The following RNF213 variants were observed in gnomAD, a reference collection of about 807,000 sequenced individuals.
RNF213 encodes the protein ring finger protein 213, also known as E3 ubiquitin-protein ligase RNF213.
A neutral mutation model predicts 514.4 loss-of-function variants in RNF213; 341 were observed. The observed-to-expected ratio is 0.66, with a 90% CI of 0.61 to 0.73. The LOEUF (loss-of-function observed/expected upper bound fraction) is 0.73, where lower values mean the gene tolerates loss of function less well. RNF213 is among the 30% of genes least tolerant of loss of function. The probability of loss-of-function intolerance (pLI) is 0.00; values close to 1 mark genes in which losing one functional copy is unlikely to be tolerated. For missense variants in RNF213, 5,767 were observed against 6,615.6 expected (o/e 0.87, Z 4.45); for synonymous variants, 2,655 against 2,658.2 (o/e 1.00, Z 0.04).
rs1420381348 is a variant in RNF213, at chr17:80,288,351, C to T, written c.798C>T (p.Ala266=). Reference sequence around the variant, plus strand: ...AGACCACCGAGCAACAGGCAGGGGCCTCAGCCTCTATGGTGAGTCATCCGG... The same window carrying T: ...AGACCACCGAGCAACAGGCAGGGGCTTCAGCCTCTATGGTGAGTCATCCGG... The part of the protein sequence containing the change: ...ELQTTEQQAG[A]SASMAVDAVA... Residue 266 remains alanine, a synonymous_variant, in exon 4 of 68, where the codon GCC becomes GCT. Transcript: ENST00000582970. This position sits in a 1 kb window ranked among gnomAD's most constrained non-coding sequence, Gnocchi z 4.9. The T allele has an allele frequency of 6.2e-7, 1 of 1,612,330 alleles. No homozygotes were observed. The highest frequency in any genetic ancestry group is 1.3e-5 in the African/African-American group (1 of 74,926).
intron 17 of RNF213, among the ~76,000 whole-genome samples, chr17:80,321,998 A>ACAGGCGTGAG (rs2046153327): frequency 6.6e-6 from 1 of 152,148 alleles, no homozygotes; most frequent in Non-Finnish European, 1.5e-5. Context: ...TGCTGGGATT[A>ACAGGCGTGAG]CAGGCGTGAG....
At position 80,288,977 on chromosome 17, in the gene RNF213, G is replaced by A. The variant is rs1026986452; in HGVS notation, c.933+222G>A. Among the ~76,000 whole-genome samples, 3 of 152,182 alleles carry A rather than the reference G, an allele frequency of 2.0e-5. No individual in the cohort carries two copies. Among genetic ancestry groups the A allele is most frequent in the African/African-American group, 7.2e-5 (3 of 41,450 alleles). Reference sequence around the variant, plus strand: ...AGGGAGGGAGAGAGGGCACCCAGGTGGGCCCCGAGGTACCATGGCACCCAC... The same window carrying A: ...AGGGAGGGAGAGAGGGCACCCAGGTAGGCCCCGAGGTACCATGGCACCCAC... On this transcript the variant is annotated intron_variant, in intron 5 of 67. Transcript: ENST00000582970. The surrounding 1 kb of genome is among the most constrained non-coding windows in gnomAD (Gnocchi z 4.9).
At chr17:80,350,058 A>G in intron 30 of RNF213, 152 bp downstream of exon 30, 3 of 936,518 alleles carry the variant, frequency 3.2e-6, no homozygotes, top group Admixed American at 2.0e-5. Context: ...CATCCCTCTC[A>G]TCTCCATCAT....
Position 80,377,633 on chromosome 17 carries a change from G to A in RNF213, c.13511-129G>A, listed in dbSNP as rs371638730. 1.5e-4 allele frequency: 143 copies of A among 961,758 alleles called. 1 individual carries two copies. Among genetic ancestry groups the A allele is most frequent in the African/African-American group, 1.1e-3 (67 of 62,456 alleles). 59.6% of individuals were successfully genotyped at this position (961,758 alleles called of 1,614,324 possible). A position where few individuals can be genotyped will look rare whatever the true frequency, so the allele number is the denominator to read the frequency against. On this transcript the variant is annotated intron_variant, in intron 53 of 67. Coordinates refer to ENST00000582970, the MANE Select transcript of RNF213 (RefSeq NM_001256071.3). The surrounding 1 kb of genome is among the most constrained non-coding windows in gnomAD (Gnocchi z 4.1). ...GTGTCATGTAACTTAACAAATTAGC[G>A]TGGGATGCTCTGGACAGTCATTCTC... is the stretch of plus-strand genomic sequence containing the variant.
chr17:80,358,677 G>A (rs1233969409), intron 37 of RNF213, among the ~76,000 whole-genome samples, 198 bp downstream of exon 37: 11 of 152,180 alleles, frequency 7.2e-5, no homozygotes, highest in East Asian at 1.9e-4. Context: ...TTGGGAGGCC[G>A]AGGCAGGTGG....
intron 16 of RNF213, among the ~76,000 whole-genome samples, chr17:80,318,560 TGA>T (rs2046023289): frequency 6.6e-6 from 1 of 152,024 alleles, no homozygotes; most frequent in Non-Finnish European, 1.5e-5. Context: ...TTATGTGATA[TGA>T]GAGTTTTATA....
In RNF213 at chr17:80,393,492, GAGAT is replaced by G; in HGVS notation, c.15622_*1del. The stretch of plus-strand genomic sequence containing the variant: ...CTGTGCTGAAATGGAATCGAGAAAT[GAGAT>G]AGAATTATTTCCTCAGCTATCTTTG... On this transcript the variant is annotated frameshift_variant and stop_lost, in exon 68 of 68. Transcript: ENST00000582970. LOFTEE classifies it high-confidence loss of function. 1 of 1,614,118 alleles carries G rather than the reference GAGAT, an allele frequency of 6.2e-7. No individual in the cohort carries two copies. The highest frequency in any genetic ancestry group is 8.5e-7 in the Non-Finnish European group (1 of 1,179,994).
intron 26 of RNF213, 188 bp downstream of exon 26, chr17:80,340,544 G>A: frequency 1.7e-6 from 1 of 597,488 alleles, no homozygotes; most frequent in Admixed American, 2.9e-5. Context: ...CTCCCACAAT[G>A]GGTATTCCCT....
chr17:80,372,947 C>T, intron 48 of RNF213, 28 bp from the exon 49 acceptor site: 1 of 1,606,994 alleles, frequency 6.2e-7, no homozygotes, highest in South Asian at 1.1e-5. Flanking sequence ...TCACCAGCCA[C>T]TCACCCGCTT....
In RNF213 at chr17:80,354,455, G is replaced by A. The variant is rs1482055700; in HGVS notation, c.10741G>A (p.Val3581Ile). The change falls in exon 36 of 68, where the codon GTA (valine) becomes ATA (isoleucine). Residue 3581 changes from valine (V) to isoleucine (I), a missense_variant. By Grantham distance (29) the Val-to-Ile change is conservative. This residue lies in a region of RNF213 where 919 missense variants were observed against 1,121.0 expected (regional missense o/e 0.82). Coordinates refer to ENST00000582970, the MANE Select transcript of RNF213 (RefSeq NM_001256071.3). The stretch of plus-strand genomic sequence containing the variant: ...CCTTTGTACAGCCTCTTTCTTGCGG[G>A]TATCCAAGATGCGCCTCAGTGTCTT... The part of the protein sequence containing the change: ...DDACHASFLR[V>I]SKMRLSVFLK... 1 of 1,614,114 alleles carries A rather than the reference G, an allele frequency of 6.2e-7. No individual in the cohort carries two copies. Among genetic ancestry groups the A allele is most frequent in the African/African-American group, 1.3e-5 (1 of 74,936 alleles).
Position 80,354,087 on chromosome 17 carries a change from C to G in RNF213, c.10647C>G (p.Asp3549Glu), listed in dbSNP as rs1210959321. The change falls in exon 35 of 68, where the codon GAC (aspartate) becomes GAG (glutamate). Residue 3549 changes from aspartate to glutamate, a missense_variant. Around this residue, in one of 13 missense-constraint regions of RNF213, gnomAD observed 919 missense variants for 1,121.0 expected, o/e 0.82. Coordinates refer to ENST00000582970, the MANE Select transcript of RNF213 (RefSeq NM_001256071.3). ...AGAGCGCCGTGGGCATGCTCAGAGACCAGAACGAGAGCTGCACGCGCAATA... is the reference window on the plus strand; with the variant it reads ...AGAGCGCCGTGGGCATGCTCAGAGAGCAGAACGAGAGCTGCACGCGCAATA... ...CVQSAVGMLR[D>E]QNESCTRNMR... 8 of 1,613,944 alleles carry G rather than the reference C, an allele frequency of 5.0e-6. No homozygotes were observed. Among genetic ancestry groups the G allele is most frequent in the Non-Finnish European group, 6.8e-6 (8 of 1,180,036 alleles).
In RNF213 at chr17:80,345,787, G is replaced by GT; in HGVS notation, c.7458dup (p.Asp2487Ter). ...ACCAACATCAGTTGGACACCATCTT[G>GT]TTTTTTGATGAAGCCAACACAACGG... is the stretch of plus-strand genomic sequence containing the variant. On this transcript the variant is annotated frameshift_variant, in exon 29 of 68. Coordinates refer to ENST00000582970, the MANE Select transcript of RNF213 (RefSeq NM_001256071.3). LOFTEE classifies it high-confidence loss of function. This position sits in a 1 kb window ranked among gnomAD's most constrained non-coding sequence, Gnocchi z 6.0. The GT allele has an allele frequency of 6.2e-7, 1 of 1,614,176 alleles. No individual in the cohort carries two copies. Among genetic ancestry groups the GT allele is most frequent in the Non-Finnish European group, 8.5e-7 (1 of 1,180,038 alleles).
At position 80,372,000 on chromosome 17, in the gene RNF213, T is replaced by G. The variant is rs2079536104; in HGVS notation, c.12537+15T>G. 1 of 1,299,150 alleles carries G rather than the reference T, an allele frequency of 7.7e-7. No homozygotes were observed. The highest frequency in any genetic ancestry group is 1.5e-5 in the African/African-American group (1 of 68,774). The allele number at this position is 1,299,150 out of a possible 1,614,324, so 80.5% of individuals were successfully genotyped here. A position where few individuals can be genotyped will look rare whatever the true frequency, so the allele number is the denominator to read the frequency against. Reference sequence around the variant, plus strand: ...ACTGCCTGGAGGTAAGTGAACTCTCTCTTCCCTGAATTTCTTTTGGAAACT... The same window carrying G: ...ACTGCCTGGAGGTAAGTGAACTCTCGCTTCCCTGAATTTCTTTTGGAAACT... On this transcript the variant is annotated intron_variant, in intron 47 of 67. Coordinates refer to ENST00000582970, the MANE Select transcript of RNF213 (RefSeq NM_001256071.3).
At position 80,361,901 on chromosome 17, in the gene RNF213, A is replaced by G; in HGVS notation, c.11355+13A>G. On this transcript the variant is annotated intron_variant, in intron 39 of 67. Coordinates refer to ENST00000582970, the MANE Select transcript of RNF213 (RefSeq NM_001256071.3). ...GGAGGAATTAAAGGTAGATGTTTAG[A>G]TACTGGCTAAGGGTCAGGTGTAGAG... 1 of 1,609,728 alleles carries G rather than the reference A, an allele frequency of 6.2e-7. No homozygotes were observed. The highest frequency in any genetic ancestry group is 1.1e-5 in the South Asian group (1 of 90,662).
chr17:80,293,840 A>G (rs550440472), intron 8 of RNF213, among the ~76,000 whole-genome samples: 7 of 150,678 alleles, frequency 4.6e-5, no homozygotes, highest in Non-Finnish European at 1.0e-4. Context: ...AAAAAAAAAC[A>G]TGTGATAGGG....
intron 19 of RNF213, 119 bp from the exon 20 acceptor site, chr17:80,328,209 C>T (rs1025481177): frequency 1.5e-6 from 2 of 1,295,858 alleles, no homozygotes; most frequent in African/African-American, 3.0e-5. Context: ...TGGGTATGCG[C>T]AAAACCATCC....
rs76934686 is a variant in RNF213 at position 80,308,957 on chromosome 17, A to G, written c.2502-61A>G. 2.9e-4 allele frequency: 472 copies of G among 1,601,784 alleles called. 1 individual carries two copies. Among genetic ancestry groups the G allele is most frequent in the Non-Finnish European group, 3.9e-4 (460 of 1,170,650 alleles). On this transcript the variant is annotated intron_variant, in intron 13 of 67. Transcript: ENST00000582970. ...AAGGAAGGAGCTAGTCATCAATGGT[A>G]ACCATTTTCTGGCTTCTCCTAAATC... is the stretch of plus-strand genomic sequence containing the variant.
Position 80,345,747 on chromosome 17 carries a change from C to A in RNF213, c.7412C>A (p.Ala2471Asp). The A allele has an allele frequency of 6.2e-7, 1 of 1,614,174 alleles. No homozygotes were observed. The highest frequency in any genetic ancestry group is 8.5e-7 in the Non-Finnish European group (1 of 1,180,036). The change falls in exon 29 of 68, where the codon GCC becomes GAC. Residue 2471 changes from alanine (A) to aspartate (D), a missense_variant. By Grantham distance (126) the Ala-to-Asp change is moderately radical (BLOSUM62 -2). Coordinates refer to ENST00000582970, the MANE Select transcript of RNF213 (RefSeq NM_001256071.3). The surrounding 1 kb of genome is among the most constrained non-coding windows in gnomAD (Gnocchi z 6.0). ...AGAGTCAGGGAGGCTGAAAATGTGG[C>A]CTTCGCCAATAAGGACCAACATCAG... ...YSRVREAENV[A>D]FANKDQHQLD...
chr17:80,354,218 A>C, intron 35 of RNF213, 52 bp downstream of exon 35: 1 of 1,595,156 alleles, frequency 6.3e-7, no homozygotes, highest in South Asian at 1.1e-5. Context: ...GCTCTTCCTG[A>C]GGAGTGGGCA....
Sources: allele counts gnomAD v4.1 joint callset (sites outside exome capture counted in the v4.1 genomes callset), GRCh38; gene constraint gnomAD v4.1.1; regional missense constraint gnomAD v4.1.1; non-coding constraint Gnocchi (gnomAD v3.1); transcripts MANE v1.5; gene names NCBI Gene and HGNC (gene_info 2026-07-23, HGNC 2026-07-21).